Variants in THAP4 observed in about 807,000 individuals in gnomAD.
The protein encoded by THAP4 is peroxynitrite isomerase THAP4.
THAP4 carries 18 observed loss-of-function variants against 48.1 expected under a neutral mutation model. The ratio of observed to expected loss-of-function variants is 0.37; its 90% CI spans 0.26 to 0.56. THAP4 has a LOEUF of 0.56. Ranked by LOEUF, THAP4 falls within the 20% of genes least tolerant of loss-of-function variation. The pLI, the probability that THAP4 is intolerant of heterozygous loss-of-function variation, is 0.78. For synonymous variants in THAP4, 345 were observed against 324.9 expected (o/e 1.06, Z -0.66); for missense variants, 656 against 774.9 (o/e 0.85, Z 1.82).
chr2:241,607,012 G>C (rs779188719), intron 2 of THAP4, among the ~76,000 whole-genome samples: 5 of 152,254 alleles, frequency 3.3e-5, no homozygotes, highest in African/African-American at 1.2e-4. Context: ...GCAGGGTCTC[G>C]GAGCAGCCAG....
chr2:241,635,966 AC>A (rs536207768), intron 1 of THAP4, among the ~76,000 whole-genome samples: 2 of 151,284 alleles, frequency 1.3e-5, no homozygotes, highest in African/African-American at 2.4e-5. Context: ...CTGCAAAGGT[AC>A]CCCCCCACCC....
rs1462865134 is a variant in THAP4, at chr2:241,616,697, A to C, written c.1241-10224T>G. 6.6e-6 allele frequency among the ~76,000 whole-genome samples: 1 copy of C among 152,150 alleles called. No homozygotes were observed. The highest frequency in any genetic ancestry group is 1.5e-5 in the Non-Finnish European group (1 of 68,030). The stretch of plus-strand genomic sequence containing the variant: ...AAGATAGCTCTGAAATTCAGAAGAA[A>C]CGCTTTTGAGCAGAAAAAATAACAT... On this transcript the variant is annotated intron_variant, in intron 2 of 5. Transcript: ENST00000407315. The surrounding 1 kb of genome is among the most constrained non-coding windows in gnomAD (Gnocchi z 4.6).
Position 241,610,040 on chromosome 2 carries a change from C to A in THAP4, c.1241-3567G>T, listed in dbSNP as rs191094303. Among the ~76,000 whole-genome samples the A allele has an allele frequency of 2.0e-5, 3 of 152,354 alleles. No homozygotes were observed. The highest frequency in any genetic ancestry group is 7.2e-5 in the African/African-American group (3 of 41,586). Reference sequence around the variant, plus strand: ...CCGGGGCCGCGATCTCCACCCCTCACGCCCGAGTCCCCGGCACGGCCACCA... The same window carrying A: ...CCGGGGCCGCGATCTCCACCCCTCAAGCCCGAGTCCCCGGCACGGCCACCA... On this transcript the variant is annotated intron_variant, in intron 2 of 5. Transcript: ENST00000407315. The surrounding 1 kb of genome is among the most constrained non-coding windows in gnomAD (Gnocchi z 4.2).
chr2:241,596,075 T>C (rs912055419), intron 5 of THAP4, among the ~76,000 whole-genome samples: 3 of 152,198 alleles, frequency 2.0e-5, no homozygotes, highest in African/African-American at 7.2e-5. Flanking sequence ...TCCGCTGTAA[T>C]AAGTCAGCTC....
At chr2:241,636,860 G>A in intron 1 of THAP4, 81 bp downstream of exon 1, 1 of 839,476 alleles carries the variant, frequency 1.2e-6, no homozygotes, top group Non-Finnish European at 1.4e-6. Flanking sequence ...CCCGCCCCCC[G>A]CGTTCGGGCC....
intron 2 of THAP4, among the ~76,000 whole-genome samples, chr2:241,623,750 G>T (rs1247279569): frequency 6.6e-6 from 1 of 151,988 alleles, no homozygotes. Context: ...AGATGAGATG[G>T]ACCAATTCTC....
In THAP4 at chr2:241,588,938, C is replaced by T. The variant is rs560781230; in HGVS notation, c.1615-4213G>A. On this transcript the variant is annotated intron_variant, in intron 5 of 5. Transcript: ENST00000407315. Reference sequence around the variant, plus strand: ...AATTAAAACATTTGGTTCTAGACTGCGCATGGTGGCTCACGCCTGTCATCT... The same window carrying T: ...AATTAAAACATTTGGTTCTAGACTGTGCATGGTGGCTCACGCCTGTCATCT... Among the ~76,000 whole-genome samples, 33 of 152,170 alleles carry T rather than the reference C, an allele frequency of 2.2e-4. No homozygotes were observed. The South Asian group carries it at 4.3e-3, about 20-fold the overall frequency.
intron 2 of THAP4, among the ~76,000 whole-genome samples, chr2:241,622,026 C>G (rs1346378843): frequency 6.6e-6 from 1 of 151,908 alleles, no homozygotes; most frequent in African/African-American, 2.4e-5. Context: ...AAGTAAAGAA[C>G]TTACTTTTTT....
intron 1 of THAP4, among the ~76,000 whole-genome samples, chr2:241,634,293 G>C (rs977570908): frequency 2.0e-5 from 3 of 152,208 alleles, no homozygotes; most frequent in Non-Finnish European, 4.4e-5. Context: ...TACCCATACA[G>C]AGCTTATAGT....
At position 241,584,498 on chromosome 2, in the gene THAP4, C is replaced by T; in HGVS notation, c.*108G>A. ...CATCTGGACAACACTCTTGAGCCTG[C>T]AGAGGCTCACGGCCACACCCACTTC... is the stretch of plus-strand genomic sequence containing the variant. On this transcript the variant is annotated 3_prime_UTR_variant, in exon 6 of 6. Transcript: ENST00000407315. The T allele has an allele frequency of 8.2e-7, 1 of 1,219,364 alleles. No homozygotes were observed. The highest frequency in any genetic ancestry group is 1.2e-6 in the Non-Finnish European group (1 of 843,370). 75.5% of individuals were successfully genotyped at this position (1,219,364 alleles called of 1,614,324 possible).
At chr2:241,593,103 G>A (rs766190761) in intron 5 of THAP4, among the ~76,000 whole-genome samples, 2 of 152,030 alleles carry the variant, frequency 1.3e-5, no homozygotes, top group Admixed American at 1.3e-4. Flanking sequence ...AAATTAGCGG[G>A]GAGTGGTGGT....
At chr2:241,605,120 T>C (rs1427500097) in intron 3 of THAP4, among the ~76,000 whole-genome samples, 2 of 152,246 alleles carry the variant, frequency 1.3e-5, no homozygotes, top group Non-Finnish European at 2.9e-5. Context: ...GGTTATTTTG[T>C]ATTACCCAGA....
chr2:241,625,426 G>A (rs983370819), intron 2 of THAP4, among the ~76,000 whole-genome samples: 4 of 150,292 alleles, frequency 2.7e-5, no homozygotes, highest in Admixed American at 6.6e-5. Context: ...AGTGAGCCGA[G>A]GTCACACCTC....
intron 5 of THAP4, among the ~76,000 whole-genome samples, chr2:241,587,907 C>CTCCA (rs929574714): frequency 6.8e-4 from 103 of 150,624 alleles, no homozygotes; most frequent in African/African-American, 2.3e-3. Flanking sequence ...AAGAGAGAAA[C>CTCCA]TCCATCTCAA....
chr2:241,584,971 G>A (rs1173379360), intron 5 of THAP4: 12 of 504,854 alleles, frequency 2.4e-5, no homozygotes, highest in East Asian at 1.1e-4. Flanking sequence ...CTTTTTTGTC[G>A]ACGGCCATAC....
chr2:241,592,590 C>A (rs1341476076), intron 5 of THAP4, among the ~76,000 whole-genome samples: 1 of 152,206 alleles, frequency 6.6e-6, no homozygotes, highest in Non-Finnish European at 1.5e-5. Context: ...AACACCCACA[C>A]AAACAGTAAA....
At chr2:241,598,204 G>C (rs1269280258) in intron 5 of THAP4, among the ~76,000 whole-genome samples, 1 of 152,180 alleles carries the variant, frequency 6.6e-6, no homozygotes, top group Non-Finnish European at 1.5e-5. Context: ...TAAGAACGTG[G>C]AGAGACAAGC....
At chr2:241,602,366 T>C (rs1416779072) in intron 4 of THAP4, among the ~76,000 whole-genome samples, 1 of 150,640 alleles carries the variant, frequency 6.6e-6, no homozygotes, top group Non-Finnish European at 1.5e-5. Flanking sequence ...TGGTTTTTTT[T>C]TTTTTCTTTT....
At chr2:241,630,835 A>G (rs938767988) in intron 2 of THAP4, among the ~76,000 whole-genome samples, 1 of 151,882 alleles carries the variant, frequency 6.6e-6, no homozygotes, top group Admixed American at 6.6e-5. Context: ...TCACAACTGT[A>G]GCCAACATGG....
Sources: gnomAD v4.1 joint callset for allele counts (sites outside exome capture counted in the v4.1 genomes callset) on GRCh38, gnomAD v4.1.1 for gene constraint, Gnocchi (gnomAD v3.1) non-coding constraint, MANE v1.5 for transcripts, NCBI Gene and HGNC (gene_info 2026-07-23, HGNC 2026-07-21) for gene names.